Variants in GRM4 observed in about 807,000 individuals in gnomAD.
GRM4 encodes the protein metabotropic glutamate receptor 4.
GRM4 carries 28 observed loss-of-function variants against 81.7 expected under a neutral mutation model. The observed-to-expected ratio is 0.34, with a 90% CI of 0.25 to 0.47. The LOEUF (loss-of-function observed/expected upper bound fraction) is 0.47. Ranked by LOEUF, GRM4 falls within the 20% of genes least tolerant of loss-of-function variation. GRM4 has a pLI of 1.00. For missense variants in GRM4, 948 were observed against 1,290.0 expected (o/e 0.73, Z 4.06); for synonymous variants, 488 against 528.8 (o/e 0.92, Z 1.06).
chr6:34,056,427 TCCTGCCACGGCCGGC>T lies in GRM4; in HGVS notation c.1168+102_1168+116del. The stretch of plus-strand genomic sequence containing the variant: ...CCCCAGGTGCAGGCCCAACTGCACG[TCCTGCCACGGCCGGC>T]CGACGACAGACAAAGGGAGACTCTC... On this transcript the variant is annotated intron_variant, in intron 6 of 10. Transcript: ENST00000538487. 3.3e-6 allele frequency: 3 copies of T among 917,464 alleles called. No homozygotes were observed. In the South Asian group the frequency reaches 5.0e-5, roughly 15 times the overall value. 56.8% of individuals were successfully genotyped at this position (917,464 alleles called of 1,614,324 possible).
intron 3 of GRM4, 183 bp downstream of exon 3, chr6:34,091,700 C>T (rs1338161205): frequency 5.0e-6 from 3 of 599,400 alleles, no homozygotes; most frequent in Non-Finnish European, 8.9e-6. Context: ...ACCGGAGTCA[C>T]CCAGAGCCCA....
In GRM4 at chr6:34,040,328, C is replaced by A. The variant is rs760088388; in HGVS notation, c.1370-14G>T. 1.9e-6 allele frequency: 3 copies of A among 1,612,964 alleles called. No homozygotes were observed. In the African/African-American group the frequency reaches 4.0e-5, roughly 22 times the overall value. ...TCCCTGCGATGCCTGTAAGGGTGGG[C>A]GGGTGTCTTTGCAGAGCCTTTACCC... On this transcript the variant is annotated splice_polypyrimidine_tract_variant and intron_variant, in intron 7 of 10. Transcript: ENST00000538487.
At chr6:34,143,345 C>A (rs1370635641) in intron 1 of GRM4, among the ~76,000 whole-genome samples, 4 of 152,156 alleles carry the variant, frequency 2.6e-5, no homozygotes, top group East Asian at 3.9e-4. Flanking sequence ...GCTGGTGAAG[C>A]CCTCCAGGAA....
At chr6:34,044,199 CAT>C (rs533677306) in intron 6 of GRM4, among the ~76,000 whole-genome samples, 131 of 136,242 alleles carry the variant, frequency 9.6e-4, no homozygotes, top group African/African-American at 2.6e-3. Flanking sequence ...TATACACACA[CAT>C]ATATATACAT....
rs541607655 is a variant in GRM4, at chr6:34,068,447, C to T, written c.737-6419G>A. On this transcript the variant is annotated intron_variant, in intron 3 of 10. Coordinates refer to ENST00000538487, the MANE Select transcript of GRM4 (RefSeq NM_000841.4). The surrounding 1 kb of genome is among the most constrained non-coding windows in gnomAD (Gnocchi z 4.2). Reference sequence around the variant, plus strand: ...AGCTTAGGTTTACAGGAGGTCTGACCGTGGCAGGACCCTCTGAGCCCCCAC... The same window carrying T: ...AGCTTAGGTTTACAGGAGGTCTGACTGTGGCAGGACCCTCTGAGCCCCCAC... 8.5e-5 allele frequency among the ~76,000 whole-genome samples: 13 copies of T among 152,080 alleles called. No individual in the cohort carries two copies. The highest frequency in any genetic ancestry group is 2.1e-4 in the South Asian group (1 of 4,820).
At chr6:34,091,768 C>T (rs115038452) in intron 3 of GRM4, 115 bp downstream of exon 3, 4 of 748,108 alleles carry the variant, frequency 5.3e-6, no homozygotes, top group Non-Finnish European at 8.9e-6. Context: ...CACCTGGCAA[C>T]AGCCAGGCAG....
chr6:34,030,404 G>A lies in GRM4; in HGVS notation c.2443-2038C>T, dbSNP rs533479741. On this transcript the variant is annotated intron_variant, in intron 9 of 10. Transcript: ENST00000538487. ...CTTGTTGATGGGTGCAGTGCAATTG[G>A]GCCCACATGGAGTTGGTGGGACCAG... 4.8e-4 allele frequency among the ~76,000 whole-genome samples: 73 copies of A among 152,276 alleles called. 3 individuals carry two copies. The highest frequency in any genetic ancestry group is 3.4e-3 in the Middle Eastern group (1 of 294).
intron 2 of GRM4, among the ~76,000 whole-genome samples, chr6:34,127,331 C>G (rs1770061459): frequency 6.6e-6 from 1 of 152,118 alleles, no homozygotes; most frequent in South Asian, 2.1e-4. Context: ...AGAGAAGACT[C>G]CAGACAGCAA....
At chr6:34,153,925 C>CAAAAAA (rs3041982) in intron 1 of GRM4, among the ~76,000 whole-genome samples, 1 of 129,500 alleles carries the variant, frequency 7.7e-6, no homozygotes, top group Non-Finnish European at 1.7e-5. Context: ...GACTCTGTCT[C>CAAAAAA]AAAAAAAAAA....
chr6:34,030,162 C>T (rs148545209), intron 9 of GRM4, among the ~76,000 whole-genome samples: 25 of 152,330 alleles, frequency 1.6e-4, no homozygotes, highest in East Asian at 1.2e-3. Flanking sequence ...TCAAAACAGA[C>T]GCTTGGGGAA....
At chr6:34,044,583 CAG>C (rs1413486541) in intron 6 of GRM4, among the ~76,000 whole-genome samples, 2 of 150,878 alleles carry the variant, frequency 1.3e-5, no homozygotes, top group African/African-American at 2.4e-5. Context: ...CATATATACA[CAG>C]ACACAGACAC....
rs751930863 is a variant in GRM4, at chr6:34,092,976, G to A, written c.520-877C>T. ...GCGCCACCCACTGCTCTGCTCTCCC[G>A]GCTGCTCAGGGCTTGTGGGCTCCAC... On this transcript the variant is annotated intron_variant, in intron 2 of 10. Transcript: ENST00000538487. This position sits in a 1 kb window ranked among gnomAD's most constrained non-coding sequence, Gnocchi z 6.8. Among the ~76,000 whole-genome samples, 4 of 152,112 alleles carry A rather than the reference G, an allele frequency of 2.6e-5. No individual in the cohort carries two copies. The highest frequency in any genetic ancestry group is 5.9e-5 in the Non-Finnish European group (4 of 68,002).
Position 34,022,735 on chromosome 6 carries a change from A to G in GRM4, c.*86T>C. 8.2e-7 allele frequency: 1 copy of G among 1,222,692 alleles called. No homozygotes were observed. The highest frequency in any genetic ancestry group is 1.2e-5 in the South Asian group (1 of 82,680). 75.7% of individuals were successfully genotyped at this position (1,222,692 alleles called of 1,614,324 possible). A position where few individuals can be genotyped will look rare whatever the true frequency, so the allele number is the denominator to read the frequency against. ...GTGGGTGCCCACGGGCAGGCAAGAC[A>G]GCTGGGCCCTTGGGTGTGGCCCTGG... On this transcript the variant is annotated 3_prime_UTR_variant, in exon 11 of 11. Transcript: ENST00000538487. The surrounding 1 kb of genome is among the most constrained non-coding windows in gnomAD (Gnocchi z 5.6).
intron 3 of GRM4, among the ~76,000 whole-genome samples, chr6:34,072,661 A>G (rs1476010148): frequency 2.7e-5 from 4 of 149,820 alleles, no homozygotes; most frequent in Non-Finnish European, 4.4e-5. Context: ...ATCACCACAT[A>G]GATACACACC....
chr6:34,084,042 T>G (rs1376642529), intron 3 of GRM4, among the ~76,000 whole-genome samples: 1 of 152,168 alleles, frequency 6.6e-6, no homozygotes, highest in African/African-American at 2.4e-5. Flanking sequence ...AAACAAGTAG[T>G]TTTCAGTGGG....
intron 3 of GRM4, among the ~76,000 whole-genome samples, chr6:34,067,207 T>G (rs1766512399): frequency 6.6e-6 from 1 of 152,140 alleles, no homozygotes; most frequent in Non-Finnish European, 1.5e-5. Flanking sequence ...TATTTTTCAG[T>G]CTCTCCGTCC....
intron 9 of GRM4, among the ~76,000 whole-genome samples, chr6:34,033,695 CTCTT>C (rs72320442): frequency 0.14 from 21,491 of 151,210 alleles, 1,684 homozygotes; most frequent in East Asian, 0.3. Flanking sequence ...CTCTCTCTCT[CTCTT>C]TCTCTTTCTT....
rs1266992320 is a variant in GRM4, at chr6:34,092,221, C to A, written c.520-122G>T. 1 of 649,956 alleles carries A rather than the reference C, an allele frequency of 1.5e-6. No individual in the cohort carries two copies. The highest frequency in any genetic ancestry group is 2.7e-6 in the Non-Finnish European group (1 of 376,942). The allele number at this position is 649,956 out of a possible 1,614,324, so 40.3% of individuals were successfully genotyped here. A position where few individuals can be genotyped will look rare whatever the true frequency, so the allele number is the denominator to read the frequency against. On this transcript the variant is annotated intron_variant, in intron 2 of 10. Transcript: ENST00000538487. This position sits in a 1 kb window ranked among gnomAD's most constrained non-coding sequence, Gnocchi z 6.8. The stretch of plus-strand genomic sequence containing the variant: ...CAGCCTTGGGACCACCACAGCCCAC[C>A]CCTCCCCATGGGCGATGCCTCCTCC...
intron 6 of GRM4, among the ~76,000 whole-genome samples, chr6:34,050,071 C>T (rs1376215060): frequency 1.3e-5 from 2 of 152,214 alleles, no homozygotes; most frequent in Non-Finnish European, 2.9e-5. Flanking sequence ...ACTACCTGCC[C>T]GTTGCTCCCC....
Sources: allele counts gnomAD v4.1 joint callset (sites outside exome capture counted in the v4.1 genomes callset), GRCh38; gene constraint gnomAD v4.1.1; non-coding constraint Gnocchi (gnomAD v3.1); transcripts MANE v1.5; gene names NCBI Gene and HGNC (gene_info 2026-07-23, HGNC 2026-07-21).